The following PHC3 variants were observed in gnomAD, a reference collection of about 807,000 sequenced individuals.
The protein encoded by PHC3 is polyhomeotic-like protein 3.
In PHC3, 13 loss-of-function variants were observed where a neutral mutation model predicts 107.4. The observed-to-expected ratio is 0.12, with a 90% confidence interval of 0.08 to 0.19. The LOEUF is 0.19. Among genes scored for constraint, PHC3 ranks in the 10% least tolerant of loss-of-function variants. The pLI, the probability that PHC3 is intolerant of heterozygous loss-of-function variation, is 1.00. For missense variants in PHC3, 992 were observed against 1,210.9 expected, an observed-to-expected ratio of 0.82 and a Z score of 2.68; for synonymous variants, 456 against 427.4, an observed-to-expected ratio of 1.07 and a Z score of -0.83.
chr3:170,100,663 T>C (rs1317468554), intron 14 of PHC3, among the ~76,000 whole-genome samples: 1 of 152,180 alleles, frequency 6.6e-6, no homozygotes, highest in South Asian at 2.1e-4. Flanking sequence ...TTTTAAGTTA[T>C]GAGGAATATT....
At chr3:170,153,116 G>C (rs1726291823) in intron 4 of PHC3, among the ~76,000 whole-genome samples, 2 of 152,038 alleles carry the variant, frequency 1.3e-5, no homozygotes, top group South Asian at 4.1e-4. Flanking sequence ...TCCTTTACCA[G>C]CTCAAATTCA....
chr3:170,146,657 C>T (rs374988514), intron 5 of PHC3, among the ~76,000 whole-genome samples: 2 of 150,090 alleles, frequency 1.3e-5, no homozygotes, highest in East Asian at 2.0e-4. Context: ...CTCAGCTTCC[C>T]GAGTAGCTGG....
chr3:170,140,584 CTTTTTTTTTTTTTTT>C (rs57137783), intron 6 of PHC3, among the ~76,000 whole-genome samples: 1 of 69,590 alleles, frequency 1.4e-5, no homozygotes, highest in African/African-American at 5.7e-5. Context: ...ATTTCTTTTT[CTTTTTTTTTTTTTTT>C]TTTTTTTTTT....
At chr3:170,178,988 G>C in intron 1 of PHC3, 50 bp from the exon 2 acceptor site, 1 of 1,483,616 alleles carries the variant, frequency 6.7e-7, no homozygotes, top group Non-Finnish European at 9.2e-7. Flanking sequence ...TATCTTATGA[G>C]CTTTAAAGAA....
chr3:170,128,753 A>C lies in PHC3; in HGVS notation c.1719T>G (p.Thr573=). Residue 573 remains threonine, a synonymous_variant, in exon 8 of 15, where the codon ACT becomes ACG. Coordinates refer to ENST00000495893, the MANE Select transcript of PHC3 (RefSeq NM_024947.4). The stretch of plus-strand genomic sequence containing the variant: ...CCGCAACAGTCTGTGGAGGAGGAAG[A>C]GTCTGAAATGGCAACTGGACCAAAG... ...AEALVQLPFQ[T]LPPPQTVAVN... 6.2e-7 allele frequency: 1 copy of C among 1,614,028 alleles called. No homozygotes were observed. Among genetic ancestry groups the C allele is most frequent in the Non-Finnish European group, 8.5e-7 (1 of 1,179,894 alleles).
chr3:170,117,541 G>C (rs1190560191), intron 9 of PHC3, 65 bp from the exon 10 acceptor site: 2 of 1,477,308 alleles, frequency 1.4e-6, no homozygotes, highest in Non-Finnish European at 1.8e-6. Flanking sequence ...AAATGAAAGA[G>C]AATTAAGGAA....
chr3:170,126,528 A>ATATATATATTTT (rs370421296), intron 8 of PHC3, among the ~76,000 whole-genome samples: 64 of 90,594 alleles, frequency 7.1e-4, no homozygotes, highest in African/African-American at 2.8e-3. Flanking sequence ...ATATATATAT[A>ATATATATATTTT]TTTTTTTTTT....
chr3:170,136,594 G>C lies in PHC3; in HGVS notation c.744C>G (p.Ser248Arg). 1 of 1,613,776 alleles carries C rather than the reference G, an allele frequency of 6.2e-7. No individual in the cohort carries two copies. The highest frequency in any genetic ancestry group is 2.2e-5 in the East Asian group (1 of 44,868). Residue 248 changes from serine to arginine, a missense_variant, in exon 7 of 15, where the codon AGC becomes AGG. Physicochemically the swap from Ser to Arg is moderately radical, Grantham distance 110. Transcript: ENST00000495893. The stretch of plus-strand genomic sequence containing the variant: ...TTGTCAATGACTGAGTTTGACTAGT[G>C]CTTTTTGGTGGACCATTCTGTGAGC... ...LSSSQNGPPKSTSQTQSLTIC... is the reference protein window; with the variant it reads ...LSSSQNGPPKRTSQTQSLTIC...
chr3:170,102,428 G>A (rs759502599), intron 14 of PHC3, 51 bp downstream of exon 14: 29 of 1,575,172 alleles, frequency 1.8e-5, no homozygotes, highest in Non-Finnish European at 2.3e-5. Context: ...TAACATTGCT[G>A]TGTGTGAATG....
intron 7 of PHC3, among the ~76,000 whole-genome samples, chr3:170,130,495 C>T (rs965958714): frequency 6.6e-6 from 1 of 152,118 alleles, no homozygotes; most frequent in African/African-American, 2.4e-5. Context: ...GTTAATTAAT[C>T]ACTGTAACTA....
intron 14 of PHC3, among the ~76,000 whole-genome samples, chr3:170,098,579 T>C (rs1714960839): frequency 6.6e-6 from 1 of 152,032 alleles, no homozygotes; most frequent in Non-Finnish European, 1.5e-5. Context: ...TACATAATAT[T>C]TGTCAATAAG....
intron 7 of PHC3, 173 bp downstream of exon 7, chr3:170,136,246 T>G (rs2108507773): frequency 1.5e-6 from 1 of 688,572 alleles, no homozygotes; most frequent in Non-Finnish European, 2.3e-6. Context: ...TATTTTATCT[T>G]TTGGGCTTTT....
At chr3:170,108,427 T>C (rs1716990049) in intron 11 of PHC3, among the ~76,000 whole-genome samples, 1 of 152,170 alleles carries the variant, frequency 6.6e-6, no homozygotes, top group Non-Finnish European at 1.5e-5. Flanking sequence ...ATATTTGACA[T>C]TGGTGGGGCA....
At chr3:170,102,982 C>T (rs985657942) in intron 12 of PHC3, 48 bp from the exon 13 acceptor site, 2 of 1,530,358 alleles carry the variant, frequency 1.3e-6, no homozygotes, top group African/African-American at 2.8e-5. Context: ...ATGGGACAAT[C>T]CATTTAGTAT....
chr3:170,174,752 T>C (rs1335664829), intron 2 of PHC3, among the ~76,000 whole-genome samples: 3 of 152,212 alleles, frequency 2.0e-5, no homozygotes, highest in African/African-American at 7.2e-5. Context: ...TATAGACTAC[T>C]ATGCCTGATA....
intron 4 of PHC3, among the ~76,000 whole-genome samples, chr3:170,149,546 C>G (rs1725559382): frequency 6.6e-6 from 1 of 152,114 alleles, no homozygotes; most frequent in Admixed American, 6.5e-5. Flanking sequence ...CCTCCGCCTC[C>G]TGGGTTCAAG....
At chr3:170,123,754 T>C (rs550002076) in intron 8 of PHC3, among the ~76,000 whole-genome samples, 2 of 151,516 alleles carry the variant, frequency 1.3e-5, no homozygotes, top group African/African-American at 4.8e-5. Flanking sequence ...GATCAGGCCA[T>C]TGCACTCCAG....
At chr3:170,178,748 C>G in intron 2 of PHC3, 25 bp downstream of exon 2, 1 of 1,611,236 alleles carries the variant, frequency 6.2e-7, no homozygotes, top group Non-Finnish European at 8.5e-7. Context: ...AAGTCTTAGA[C>G]TACCCATCAC....
intron 12 of PHC3, among the ~76,000 whole-genome samples, chr3:170,105,436 T>TTA (rs1716301652): frequency 6.6e-6 from 1 of 152,190 alleles, no homozygotes; most frequent in African/African-American, 2.4e-5. Context: ...GGAAATAACC[T>TTA]ATACGAAATA....
Sources: allele counts gnomAD v4.1 joint callset (sites outside exome capture counted in the v4.1 genomes callset), GRCh38; gene constraint gnomAD v4.1.1; transcripts MANE v1.5; gene names NCBI Gene and HGNC (gene_info 2026-07-23, HGNC 2026-07-21).